Variants in SRFBP1 observed in about 807,000 individuals in gnomAD.
SRFBP1 encodes the protein serum response factor binding protein 1.
SRFBP1 carries 47 observed loss-of-function variants against 45.5 expected under a neutral mutation model. The observed-to-expected ratio is 1.03, with a 90% CI of 0.82 to 1.32. SRFBP1 has a LOEUF of 1.32. Ranked by LOEUF, SRFBP1 falls within the 40% of genes most tolerant of loss-of-function variation. SRFBP1 has a pLI of 0.00. For missense variants in SRFBP1, 621 were observed against 484.6 expected, an observed-to-expected ratio of 1.28 and a Z score of -2.64; for synonymous variants, 203 against 166.3, an observed-to-expected ratio of 1.22 and a Z score of -1.70.
At chr5:122,029,321 G>A (rs1456625555), downstream of SRFBP1, among the ~76,000 whole-genome samples, 1 of 152,146 alleles carries the variant, frequency 6.6e-6, no homozygotes, top group Non-Finnish European at 1.5e-5. Flanking sequence ...ACCTGATACT[G>A]TGTCTATCAG....
rs1300810860 is a variant in SRFBP1, at chr5:122,021,578, C to T, written c.1067+776C>T. On this transcript the variant is annotated intron_variant, in intron 6 of 7. Coordinates refer to ENST00000339397, the MANE Select transcript of SRFBP1 (RefSeq NM_152546.3). ...AGTGTTGAAATAATTAAAATATTTA[C>T]TTATATTTTCCAAACTTGCCTCAAA... Among the ~76,000 whole-genome samples the T allele has an allele frequency of 2.7e-5, 4 of 150,848 alleles. No homozygotes were observed. The Middle Eastern group carries it at 0.01, about 396-fold the overall frequency.
chr5:122,072,046 A>G (rs1754466980), intron 2 of SRFBP1, among the ~76,000 whole-genome samples: 1 of 152,214 alleles, frequency 6.6e-6, no homozygotes, highest in East Asian at 1.9e-4. Context: ...TCCAGCATAC[A>G]ATTCTGATTC....
chr5:122,021,953 C>A (rs1753335110), intron 6 of SRFBP1, among the ~76,000 whole-genome samples: 1 of 151,928 alleles, frequency 6.6e-6, no homozygotes, highest in African/African-American at 2.4e-5. Context: ...CTCAGCCTCC[C>A]AAAGTGCTGG....
intron 4 of SRFBP1, among the ~76,000 whole-genome samples, chr5:122,001,800 A>T (rs1752879564): frequency 1.3e-5 from 2 of 151,866 alleles, no homozygotes; most frequent in Admixed American, 6.6e-5. Context: ...TGACCTCATG[A>T]TCCACCCGCC....
At chr5:121,992,257 G>A (rs573125574) in intron 3 of SRFBP1, among the ~76,000 whole-genome samples, 3 of 152,104 alleles carry the variant, frequency 2.0e-5, no homozygotes, top group East Asian at 3.9e-4. Flanking sequence ...GCTTCTGTAG[G>A]CCAACTGCAT....
chr5:122,060,947 G>T (rs1754159971), intron 2 of SRFBP1, among the ~76,000 whole-genome samples: 1 of 152,020 alleles, frequency 6.6e-6, no homozygotes, highest in African/African-American at 2.4e-5. Context: ...CAGCTACCAG[G>T]TTGTTTTTCA....
intron 2 of SRFBP1, among the ~76,000 whole-genome samples, chr5:122,037,178 G>A (rs778876467): frequency 7.9e-5 from 12 of 152,156 alleles, no homozygotes; most frequent in Non-Finnish European, 1.3e-4. Flanking sequence ...GATTATAGGC[G>A]TGAGCCACTG....
intron 7 of SRFBP1, among the ~76,000 whole-genome samples, chr5:122,023,697 C>T (rs1450261993): frequency 6.6e-6 from 1 of 152,052 alleles, no homozygotes. Flanking sequence ...GAGTTTGCCC[C>T]AAGTCACTGG....
intron 3 of SRFBP1, among the ~76,000 whole-genome samples, chr5:121,979,436 C>T (rs1428032193): frequency 6.6e-6 from 1 of 152,048 alleles, no homozygotes; most frequent in African/African-American, 2.4e-5. Context: ...GTAAAAGATA[C>T]CTTATTGAAG....
At chr5:122,022,327 G>T (rs758997322) in intron 6 of SRFBP1, 43 bp from the exon 7 acceptor site, 4 of 1,533,140 alleles carry the variant, frequency 2.6e-6, no homozygotes, top group Non-Finnish European at 3.6e-6. Flanking sequence ...AAGATCAGAG[G>T]ATTTATCTTT....
rs574709495 is a variant in SRFBP1, at chr5:121,964,132, A to ATCC, written c.36+2066_36+2068dup. ...TCAATTCTTTTCCATCACCACTAGA[A>ATCC]TCCTAGTACAGCTACTGTACTAGCT... On this transcript the variant is annotated intron_variant, in intron 1 of 7. Transcript: ENST00000339397. Among the ~76,000 whole-genome samples, 30 of 152,254 alleles carry ATCC rather than the reference A, an allele frequency of 2.0e-4. 1 individual carries two copies. In the South Asian group the frequency reaches 6.0e-3, roughly 30 times the overall value.
At chr5:122,022,328 A>G (rs1213934248) in intron 6 of SRFBP1, 42 bp from the exon 7 acceptor site, 10 of 1,536,900 alleles carry the variant, frequency 6.5e-6, no homozygotes, top group South Asian at 3.5e-5. Context: ...AGATCAGAGG[A>G]TTTATCTTTA....
chr5:121,987,680 A>G (rs953319164), intron 3 of SRFBP1, among the ~76,000 whole-genome samples: 2 of 152,172 alleles, frequency 1.3e-5, no homozygotes, highest in South Asian at 2.1e-4. Context: ...ACCCAAATAT[A>G]CTATTCCAAT....
At chr5:122,042,573 T>C (rs553297835) in intron 2 of SRFBP1, among the ~76,000 whole-genome samples, 1 of 152,344 alleles carries the variant, frequency 6.6e-6, no homozygotes, top group Admixed American at 6.5e-5. Context: ...TTAAAATAAC[T>C]TCTGCTAGTT....
At chr5:122,026,249 A>G (rs917680386) in intron 7 of SRFBP1, among the ~76,000 whole-genome samples, 1 of 152,224 alleles carries the variant, frequency 6.6e-6, no homozygotes, top group Non-Finnish European at 1.5e-5. Flanking sequence ...GCATTGATGC[A>G]TATCTTTTCA....
At chr5:121,991,631 A>G (rs192705027) in intron 3 of SRFBP1, among the ~76,000 whole-genome samples, 83 of 152,312 alleles carry the variant, frequency 5.4e-4, no homozygotes, top group African/African-American at 2.0e-3. Context: ...GTATAGGAAG[A>G]TAAGAATAAC....
chr5:122,012,291 T>C (rs1580525445), intron 4 of SRFBP1, among the ~76,000 whole-genome samples: 1 of 152,084 alleles, frequency 6.6e-6, no homozygotes, highest in African/African-American at 2.4e-5. Context: ...AAATTAGGAA[T>C]AAAATTAGAA....
chr5:122,040,236 A>G (rs886495295), intron 2 of SRFBP1, among the ~76,000 whole-genome samples: 2 of 152,158 alleles, frequency 1.3e-5, no homozygotes, highest in African/African-American at 4.8e-5. Flanking sequence ...GTTGCATAAA[A>G]TCATGGATTT....
chr5:121,984,410 T>A (rs1261094364), intron 3 of SRFBP1, among the ~76,000 whole-genome samples: 1 of 151,778 alleles, frequency 6.6e-6, no homozygotes, highest in Non-Finnish European at 1.5e-5. Context: ...TTCCTTTTGT[T>A]ACTATGACAG....
Sources: allele counts gnomAD v4.1 joint callset (sites outside exome capture counted in the v4.1 genomes callset), GRCh38; gene constraint gnomAD v4.1.1; transcripts MANE v1.5; gene names NCBI Gene and HGNC (gene_info 2026-07-23, HGNC 2026-07-21).